KIF13A: variants seen among roughly 807,000 people sequenced by gnomAD.
The protein encoded by KIF13A is kinesin family member 13A.
A neutral mutation model predicts 212.2 loss-of-function variants in KIF13A; 79 were observed. The observed-to-expected ratio is 0.37, with a 90% confidence interval of 0.31 to 0.45. KIF13A has a LOEUF of 0.45. Among genes scored for constraint, KIF13A ranks in the 20% least tolerant of loss-of-function variants. KIF13A has a pLI of 1.00. For synonymous variants in KIF13A, 789 were observed against 808.6 expected, an observed-to-expected ratio of 0.98 and a Z score of 0.41; for missense variants, 1,901 against 2,209.0, an observed-to-expected ratio of 0.86 and a Z score of 2.79.
At chr6:17,964,489 C>A (rs1378528551) in intron 2 of KIF13A, among the ~76,000 whole-genome samples, 1 of 151,612 alleles carries the variant, frequency 6.6e-6, no homozygotes, top group Admixed American at 6.6e-5. Context: ...AGTACTAAAC[C>A]CAATCATTGG....
chr6:17,764,449 C>G lies in KIF13A; in HGVS notation c.5079G>C (p.Leu1693=), dbSNP rs760020942. Residue 1693 remains leucine (L), a synonymous_variant, in exon 39 of 39, where the codon CTG becomes CTC. Transcript: ENST00000259711. This position sits in a 1 kb window ranked among gnomAD's most constrained non-coding sequence, Gnocchi z 5.1. The stretch of plus-strand genomic sequence containing the variant: ...GTTCTGAACATGAGCCAGTCCTGCA[C>G]AGTGATTTGGAGTTTTTCTCAGGGA... ...QSIPEKNSKS[L]CRTGSCSELD... is the part of the protein sequence containing the mutation. 1 of 1,614,014 alleles carries G rather than the reference C, an allele frequency of 6.2e-7. No individual in the cohort carries two copies. The highest frequency in any genetic ancestry group is 1.1e-5 in the South Asian group (1 of 91,084).
chr6:17,872,252 CATTA>C lies in KIF13A; in HGVS notation c.220+1121_220+1124del, dbSNP rs533706100. Among the ~76,000 whole-genome samples, 5 of 152,280 alleles carry C rather than the reference CATTA, an allele frequency of 3.3e-5. No individual in the cohort carries two copies. Among genetic ancestry groups the C allele is most frequent in the Admixed American group, 3.3e-4 (5 of 15,294 alleles). ...AGGAAAAACCTATCAATAAACAAAA[CATTA>C]ATTTTCTTTAAACTAGTCATGTGCT... is the stretch of plus-strand genomic sequence containing the variant. On this transcript the variant is annotated intron_variant, in intron 4 of 38. Coordinates refer to ENST00000259711, the MANE Select transcript of KIF13A (RefSeq NM_022113.6). The surrounding 1 kb of genome is among the most constrained non-coding windows in gnomAD (Gnocchi z 4.7).
At chr6:17,824,517 T>C (rs1356899349) in intron 16 of KIF13A, among the ~76,000 whole-genome samples, 1 of 151,980 alleles carries the variant, frequency 6.6e-6, no homozygotes, top group Non-Finnish European at 1.5e-5. Flanking sequence ...CCCAGCACTT[T>C]GGGAGGCCAA....
chr6:17,878,622 A>C (rs1371000350), intron 3 of KIF13A, among the ~76,000 whole-genome samples: 2 of 152,160 alleles, frequency 1.3e-5, no homozygotes, highest in Admixed American at 1.3e-4. Flanking sequence ...ATAAAGTTAG[A>C]AAGCTAGACA....
rs1778981658 is a variant in KIF13A at position 17,963,053 on chromosome 6, G to A, written c.146+24001C>T. On this transcript the variant is annotated intron_variant, in intron 2 of 38. Transcript: ENST00000259711. This position sits in a 1 kb window ranked among gnomAD's most constrained non-coding sequence, Gnocchi z 4.1. ...ATGATTATAATTACATAACCAGCAG[G>A]TCTAGTCATCAAATAATTTTGCTTC... Among the ~76,000 whole-genome samples, 1 of 152,198 alleles carries A rather than the reference G, an allele frequency of 6.6e-6. No homozygotes were observed. Among genetic ancestry groups the A allele is most frequent in the Admixed American group, 6.5e-5 (1 of 15,280 alleles).
downstream of KIF13A, among the ~76,000 whole-genome samples, chr6:17,762,792 C>A (rs1432949103): frequency 1.3e-5 from 2 of 152,088 alleles, no homozygotes; most frequent in Admixed American, 1.3e-4. Context: ...GGAAGGAAGT[C>A]TTTTTCTTGT....
intron 17 of KIF13A, among the ~76,000 whole-genome samples, chr6:17,814,182 A>C (rs1763705172): frequency 6.7e-6 from 1 of 149,336 alleles, no homozygotes; most frequent in Non-Finnish European, 1.5e-5. Flanking sequence ...TGATCTCCTG[A>C]CCTCGTGATC....
At chr6:17,985,072 A>G (rs1781425357) in intron 2 of KIF13A, among the ~76,000 whole-genome samples, 1 of 152,262 alleles carries the variant, frequency 6.6e-6, no homozygotes, top group South Asian at 2.1e-4. Context: ...CCTAATGTAC[A>G]AGGAGCACTG....
In KIF13A at chr6:17,987,392, A is replaced by G; in HGVS notation, c.55+17T>C. On this transcript the variant is annotated intron_variant, in intron 1 of 38. Coordinates refer to ENST00000259711, the MANE Select transcript of KIF13A (RefSeq NM_022113.6). This position sits in a 1 kb window ranked among gnomAD's most constrained non-coding sequence, Gnocchi z 7.7. ...CTCAGCCCGAGCAGAAATAAAAAAG[A>G]GCGGAAAGCTCCTCACCTCGTCGGT... 7.4e-7 allele frequency: 1 copy of G among 1,359,820 alleles called. No homozygotes were observed. Among genetic ancestry groups the G allele is most frequent in the Non-Finnish European group, 9.7e-7 (1 of 1,027,364 alleles). 84.2% of individuals were successfully genotyped at this position (1,359,820 alleles called of 1,614,324 possible).
intron 16 of KIF13A, chr6:17,821,897 G>C: frequency 1.3e-6 from 2 of 1,535,366 alleles, no homozygotes; most frequent in Non-Finnish European, 1.7e-6. Flanking sequence ...CTTATTATCG[G>C]GAAGCCACCT....
chr6:17,801,763 G>A (rs759857137), intron 20 of KIF13A, among the ~76,000 whole-genome samples: 5 of 152,152 alleles, frequency 3.3e-5, no homozygotes, highest in African/African-American at 4.8e-5. Flanking sequence ...GGGGCTGGGA[G>A]CAGGATGAAG....
chr6:17,873,234 C>T (rs1489275790), intron 4 of KIF13A, 143 bp downstream of exon 4: 1 of 570,504 alleles, frequency 1.8e-6, no homozygotes, highest in Admixed American at 3.6e-5. Flanking sequence ...ATCTTATTGA[C>T]TTCAAAACTC....
chr6:17,776,753 T>G lies in KIF13A; in HGVS notation c.4170+524A>C, dbSNP rs1002718829. ...TGCACTAATCTGTCCTATCCCTCTG[T>G]GACAGTGTCCCCCCTGCTAGGATCA... On this transcript the variant is annotated intron_variant, in intron 34 of 38. Transcript: ENST00000259711. This position sits in a 1 kb window ranked among gnomAD's most constrained non-coding sequence, Gnocchi z 4.6. 4.6e-5 allele frequency among the ~76,000 whole-genome samples: 7 copies of G among 152,228 alleles called. No individual in the cohort carries two copies. Among genetic ancestry groups the G allele is most frequent in the African/African-American group, 1.7e-4 (7 of 41,468 alleles).
chr6:17,857,137 T>C (rs973039376), intron 4 of KIF13A, among the ~76,000 whole-genome samples: 3 of 152,192 alleles, frequency 2.0e-5, no homozygotes, highest in Non-Finnish European at 4.4e-5. Context: ...TATGTTTTTC[T>C]TTTATGGAAA....
chr6:17,764,637 C>T lies in KIF13A; in HGVS notation c.4891G>A (p.Asp1631Asn). ...DQLAIQTKDA[D>N]STEHSTPSLV... ...GATGGTGTGGAGTGCTCGGTGGAGT[C>T]TGCATCCTTCGTCTGAATGGCCAGC... The change falls in exon 39 of 39, where the codon GAC (aspartate) becomes AAC (asparagine). Residue 1631 changes from aspartate to asparagine, a missense_variant. Physicochemically the swap from Asp to Asn is conservative, Grantham distance 23. Transcript: ENST00000259711. The surrounding 1 kb of genome is among the most constrained non-coding windows in gnomAD (Gnocchi z 5.1). The T allele has an allele frequency of 6.2e-7, 1 of 1,613,644 alleles. No homozygotes were observed. Among genetic ancestry groups the T allele is most frequent in the Admixed American group, 1.7e-5 (1 of 59,984 alleles).
chr6:17,956,005 A>G (rs1372594006), intron 2 of KIF13A, among the ~76,000 whole-genome samples: 13 of 152,216 alleles, frequency 8.5e-5, no homozygotes. Context: ...CAATTTTTAA[A>G]AAGTCTATTA....
chr6:17,926,310 C>A lies in KIF13A; in HGVS notation c.147-28130G>T, dbSNP rs1172757130. Among the ~76,000 whole-genome samples, 3 of 152,160 alleles carry A rather than the reference C, an allele frequency of 2.0e-5. No homozygotes were observed. Among genetic ancestry groups the A allele is most frequent in the Non-Finnish European group, 2.9e-5 (2 of 68,040 alleles). Reference sequence around the variant, plus strand: ...GCAGTGGCACAATCTTGGCTCACTGCAACCTTCTGTCTCCTGGGTTCAAGT... The same window carrying A: ...GCAGTGGCACAATCTTGGCTCACTGAAACCTTCTGTCTCCTGGGTTCAAGT... On this transcript the variant is annotated intron_variant, in intron 2 of 38. Coordinates refer to ENST00000259711, the MANE Select transcript of KIF13A (RefSeq NM_022113.6). This position sits in a 1 kb window ranked among gnomAD's most constrained non-coding sequence, Gnocchi z 4.3.
rs1213337709 is a variant in KIF13A at position 17,811,206 on chromosome 6, T to C, written c.2001-2276A>G. ...GACTCAGCTTCATTAAGTCTCATCT[T>C]CCACTGAACAACCAACAAGCTTACT... On this transcript the variant is annotated intron_variant, in intron 17 of 38. Coordinates refer to ENST00000259711, the MANE Select transcript of KIF13A (RefSeq NM_022113.6). This position sits in a 1 kb window ranked among gnomAD's most constrained non-coding sequence, Gnocchi z 6.0. Among the ~76,000 whole-genome samples, 1 of 152,208 alleles carries C rather than the reference T, an allele frequency of 6.6e-6. No homozygotes were observed.
At chr6:17,986,325 T>C (rs185325796) in intron 2 of KIF13A, among the ~76,000 whole-genome samples, 13 of 152,356 alleles carry the variant, frequency 8.5e-5, no homozygotes, top group African/African-American at 2.4e-4. Context: ...CGTTAACCCA[T>C]ACTGTTGCAT....
Sources: gnomAD v4.1 joint callset for allele counts (sites outside exome capture counted in the v4.1 genomes callset) on GRCh38, gnomAD v4.1.1 for gene constraint, Gnocchi (gnomAD v3.1) non-coding constraint, MANE v1.5 for transcripts, NCBI Gene and HGNC (gene_info 2026-07-23, HGNC 2026-07-21) for gene names.